PRDM6: variants seen among roughly 807,000 people sequenced by gnomAD.
The protein encoded by PRDM6 is putative histone-lysine N-methyltransferase PRDM6.
Under a neutral mutation model 60.8 loss-of-function variants are expected in PRDM6, and 25 were observed. The ratio of observed to expected loss-of-function variants is 0.41; its 90% CI spans 0.30 to 0.57. The LOEUF (loss-of-function observed/expected upper bound fraction) is 0.57, where lower values mean the gene tolerates loss of function less well. PRDM6 is among the 20% of genes least tolerant of loss of function. The pLI is 0.27. For synonymous variants in PRDM6, 407 were observed against 357.4 expected, an observed-to-expected ratio of 1.14 and a Z score of -1.57; for missense variants, 839 against 821.3, an observed-to-expected ratio of 1.02 and a Z score of -0.26.
chr5:123,147,928 C>T (rs534465745), intron 3 of PRDM6, among the ~76,000 whole-genome samples: 1 of 152,306 alleles, frequency 6.6e-6, no homozygotes, highest in Admixed American at 6.5e-5. Flanking sequence ...CTCAGGAGTG[C>T]CTGAGTCCCC....
chr5:123,151,926 C>T (rs1423329744), intron 3 of PRDM6, among the ~76,000 whole-genome samples: 3 of 151,988 alleles, frequency 2.0e-5, no homozygotes, highest in African/African-American at 4.8e-5. Flanking sequence ...TTAAGACGTC[C>T]TTGAATTAAA....
chr5:123,108,132 A>C (rs531895148), intron 3 of PRDM6, among the ~76,000 whole-genome samples: 3 of 152,164 alleles, frequency 2.0e-5, no homozygotes, highest in Non-Finnish European at 2.9e-5. Flanking sequence ...CAATTGTGAA[A>C]TAATGATATG....
chr5:123,101,564 T>C lies in PRDM6; in HGVS notation c.900+1603T>C, dbSNP rs1178089892. ...TCATATAGTTAAAGGTCTGCCAATA[T>C]TTTTCTAAGAAAATCGTACAGCAAT... On this transcript the variant is annotated intron_variant, in intron 3 of 7. Transcript: ENST00000407847. Among the ~76,000 whole-genome samples the C allele has an allele frequency of 4.6e-5, 7 of 152,238 alleles. 1 individual carries two copies. Among genetic ancestry groups the C allele is most frequent in the Admixed American group, 4.6e-4 (7 of 15,282 alleles).
chr5:123,152,650 G>T (rs113919746), intron 3 of PRDM6, among the ~76,000 whole-genome samples: 17 of 152,182 alleles, frequency 1.1e-4, no homozygotes, highest in Non-Finnish European at 1.6e-4. Context: ...GTTATCATAA[G>T]CTGGCAGCCT....
intron 3 of PRDM6, among the ~76,000 whole-genome samples, chr5:123,126,736 C>G (rs770300463): frequency 2.6e-5 from 4 of 152,182 alleles, no homozygotes; most frequent in Non-Finnish European, 4.4e-5. Context: ...GGAGGCTATT[C>G]CTAGCCAATA....
At chr5:123,179,833 A>T (rs1561885259) in intron 6 of PRDM6, among the ~76,000 whole-genome samples, 1 of 152,176 alleles carries the variant, frequency 6.6e-6, no homozygotes, top group South Asian at 2.1e-4. Flanking sequence ...TGAAGTCTAT[A>T]CTTTCCCTAC....
chr5:123,112,073 A>T (rs902278195), intron 3 of PRDM6, among the ~76,000 whole-genome samples: 10 of 152,196 alleles, frequency 6.6e-5, no homozygotes, highest in Non-Finnish European at 1.2e-4. Context: ...CCGCCTGGCT[A>T]AGCATAAGGA....
chr5:123,190,417 G>T lies in PRDM6; in HGVS notation c.*3216G>T, dbSNP rs1353098100. The T allele has an allele frequency of 6.6e-6, 1 of 151,924 alleles. No individual in the cohort carries two copies. The highest frequency in any genetic ancestry group is 1.5e-5 in the Non-Finnish European group (1 of 67,950). The allele number at this position is 151,924 out of a possible 1,614,324, so 9.4% of individuals were successfully genotyped here. On this transcript the variant is annotated 3_prime_UTR_variant, in exon 8 of 8. Coordinates refer to ENST00000407847, the MANE Select transcript of PRDM6 (RefSeq NM_001136239.4). ...TAGATAAGCTTTTCATTTTTGTTTT[G>T]TTTTTATCTTTAAAAATGACTTTTT...
In PRDM6 at chr5:123,189,476, C is replaced by G. The variant is rs1766362478; in HGVS notation, c.*2275C>G. On this transcript the variant is annotated 3_prime_UTR_variant, in exon 8 of 8. Coordinates refer to ENST00000407847, the MANE Select transcript of PRDM6 (RefSeq NM_001136239.4). ...GAAGGCTTCCCTCCTCCCTTGATGT[C>G]TGGCATGGGAAGGTTTTCCTTAACA... is the stretch of plus-strand genomic sequence containing the variant. 6.6e-6 allele frequency: 1 copy of G among 152,150 alleles called. No individual in the cohort carries two copies. Among genetic ancestry groups the G allele is most frequent in the Non-Finnish European group, 1.5e-5 (1 of 68,038 alleles). 9.4% of individuals were successfully genotyped at this position (152,150 alleles called of 1,614,324 possible).
chr5:123,160,125 A>G (rs1447328699), intron 5 of PRDM6, among the ~76,000 whole-genome samples: 10 of 152,250 alleles, frequency 6.6e-5, no homozygotes, highest in Admixed American at 6.5e-4. Context: ...AGTCATTTGC[A>G]TGAGAAATAA....
chr5:123,116,277 A>G (rs1186710530), intron 3 of PRDM6, among the ~76,000 whole-genome samples: 1 of 152,252 alleles, frequency 6.6e-6, no homozygotes, highest in African/African-American at 2.4e-5. Flanking sequence ...AAATGTAGTG[A>G]CAACACTGAA....
chr5:123,106,763 G>T (rs1446884087), intron 3 of PRDM6, among the ~76,000 whole-genome samples: 1 of 152,184 alleles, frequency 6.6e-6, no homozygotes, highest in Non-Finnish European at 1.5e-5. Flanking sequence ...AATTCATTTA[G>T]CTTTGAAGGC....
chr5:123,114,350 C>G (rs2150214552), intron 3 of PRDM6, among the ~76,000 whole-genome samples: 1 of 152,284 alleles, frequency 6.6e-6, no homozygotes, highest in South Asian at 2.1e-4. Context: ...TTTATTTACC[C>G]ACAAGACTCT....
chr5:123,175,465 A>G (rs1561880951), intron 6 of PRDM6, among the ~76,000 whole-genome samples: 1 of 152,192 alleles, frequency 6.6e-6, no homozygotes, highest in South Asian at 2.1e-4. Context: ...CTTAGAATGT[A>G]TCAGTATTCT....
rs982130732 is a variant in PRDM6, at chr5:123,190,269, C to A, written c.*3068C>A. On this transcript the variant is annotated 3_prime_UTR_variant, in exon 8 of 8. Coordinates refer to ENST00000407847, the MANE Select transcript of PRDM6 (RefSeq NM_001136239.4). ...GCAGAGTCTAAGACGAAAGGTAATG[C>A]CAGGGAAAAGTCAGGGTGCAATAGG... 6.6e-6 allele frequency: 1 copy of A among 152,054 alleles called. No homozygotes were observed. The highest frequency in any genetic ancestry group is 2.4e-5 in the African/African-American group (1 of 41,402). The allele number at this position is 152,054 out of a possible 1,614,324, so 9.4% of individuals were successfully genotyped here. A position where few individuals can be genotyped will look rare whatever the true frequency, so the allele number is the denominator to read the frequency against.
At chr5:123,100,074 C>T (rs1373079685) in intron 3 of PRDM6, 113 bp downstream of exon 3, 3 of 1,130,428 alleles carry the variant, frequency 2.7e-6, no homozygotes, top group Non-Finnish European at 3.7e-6. Context: ...AGAGAGCCTC[C>T]CTTGGCCCCC....
chr5:123,151,786 G>A (rs534393330), intron 3 of PRDM6, among the ~76,000 whole-genome samples: 1 of 152,136 alleles, frequency 6.6e-6, no homozygotes, highest in African/African-American at 2.4e-5. Flanking sequence ...CTCACCTTGG[G>A]CCCCTAGAGG....
chr5:123,155,110 T>A (rs1054169803), intron 3 of PRDM6, among the ~76,000 whole-genome samples: 12 of 152,034 alleles, frequency 7.9e-5, no homozygotes, highest in Non-Finnish European at 1.5e-4. Flanking sequence ...GCTTATTGAG[T>A]GGTTTGAAGC....
At chr5:123,148,343 G>A (rs1381211523) in intron 3 of PRDM6, among the ~76,000 whole-genome samples, 2 of 152,066 alleles carry the variant, frequency 1.3e-5, no homozygotes, top group Non-Finnish European at 2.9e-5. Context: ...CCACATTTTA[G>A]AATCTTGGCA....
Sources: allele counts gnomAD v4.1 joint callset (sites outside exome capture counted in the v4.1 genomes callset), GRCh38; gene constraint gnomAD v4.1.1; transcripts MANE v1.5; gene names NCBI Gene and HGNC (gene_info 2026-07-23, HGNC 2026-07-21).